Variants in L3HYPDH observed in about 807,000 individuals in gnomAD.
The protein encoded by L3HYPDH is trans-L-3-hydroxyproline dehydratase.
Under a neutral mutation model 26.5 loss-of-function variants are expected in L3HYPDH, and 32 were observed. The observed-to-expected ratio is 1.21, with a 90% confidence interval of 0.91 to 1.62. The LOEUF is 1.62. Ranked by LOEUF, L3HYPDH falls within the 40% of genes most tolerant of loss-of-function variation. The pLI is 0.00. For synonymous variants in L3HYPDH, 215 were observed against 196.6 expected (o/e 1.09, Z -0.78); for missense variants, 554 against 476.4 (o/e 1.16, Z -1.52).
the L3HYPDH span, chr14:59,504,892 G>A: frequency 6.1e-6 from 1 of 163,184 alleles, no homozygotes; most frequent in South Asian, 1.9e-4. Context: ...TGGCTTATTA[G>A]ATTTAATGAA....
chr14:59,495,051 A>T, the L3HYPDH span: 2 of 1,613,736 alleles, frequency 1.2e-6, no homozygotes, highest in Non-Finnish European at 8.5e-7. Flanking sequence ...TCACTGCATT[A>T]TTTGAATGCA....
upstream of L3HYPDH, among the ~76,000 whole-genome samples, chr14:59,488,170 T>C (rs919607243): frequency 6.6e-6 from 1 of 151,966 alleles, no homozygotes; most frequent in Non-Finnish European, 1.5e-5. Flanking sequence ...TTAATACTAA[T>C]AATCTAGTAT....
chr14:59,471,025 G>C (rs1229135220), downstream of L3HYPDH, among the ~76,000 whole-genome samples: 2 of 151,102 alleles, frequency 1.3e-5, no homozygotes, highest in East Asian at 3.9e-4. Context: ...GACCCTCACT[G>C]AGATGGGAAG....
chr14:59,484,338 G>T lies in L3HYPDH; in HGVS notation c.-22C>A, dbSNP rs1247946189. On this transcript the variant is annotated 5_prime_UTR_variant, in exon 1 of 5. Transcript: ENST00000247194. ...CCATGGTCTGCGTCGGGGGAGACGA[G>T]TACGGTCCCGCAGCTATGGCTTCAA... 1 of 1,563,994 alleles carries T rather than the reference G, an allele frequency of 6.4e-7. No homozygotes were observed. Among genetic ancestry groups the T allele is most frequent in the Non-Finnish European group, 8.6e-7 (1 of 1,161,010 alleles).
chr14:59,503,590 T>G, the L3HYPDH span, among the ~76,000 whole-genome samples: 1 of 152,258 alleles, frequency 6.6e-6, no homozygotes. Flanking sequence ...AATGATGGCA[T>G]AGACTAGGAC....
chr14:59,483,860 T>C lies in L3HYPDH; in HGVS notation c.457A>G (p.Ser153Gly). 1 of 1,585,372 alleles carries C rather than the reference T, an allele frequency of 6.3e-7. No individual in the cohort carries two copies. The highest frequency in any genetic ancestry group is 8.5e-7 in the Non-Finnish European group (1 of 1,173,004). ...CTGTGGAAGCGCACCGGTCCGTGGCTGCGGCCGTCCTCGCATGCCACGAAG... is the reference window on the plus strand; with the variant it reads ...CTGTGGAAGCGCACCGGTCCGTGGCCGCGGCCGTCCTCGCATGCCACGAAG... The part of the protein sequence containing the change: ...TAFVACEDGR[S>G]HGPVRFHSVP... Residue 153 changes from serine to glycine, a missense_variant, in exon 1 of 5, where the codon AGC (serine) becomes GGC (glycine). Transcript: ENST00000247194.
At chr14:59,486,337 A>T (rs1327444454), upstream of L3HYPDH, among the ~76,000 whole-genome samples, 2 of 152,346 alleles carry the variant, frequency 1.3e-5, no homozygotes, top group East Asian at 3.9e-4. Flanking sequence ...TGACTGGGCA[A>T]AATACAAGGT....
upstream of L3HYPDH, chr14:59,486,851 CT>C (rs749694111): frequency 1.6e-6 from 2 of 1,245,176 alleles, no homozygotes; most frequent in Non-Finnish European, 2.3e-6. Context: ...AATCTATTTG[CT>C]TTTGAAATAT....
chr14:59,468,906 A>G (rs776136237), downstream of L3HYPDH, among the ~76,000 whole-genome samples: 3 of 152,170 alleles, frequency 2.0e-5, no homozygotes, highest in Non-Finnish European at 4.4e-5. Context: ...GGTAGGTAGT[A>G]TATGGATTAG....
At chr14:59,494,360 C>A in the L3HYPDH span, among the ~76,000 whole-genome samples, 1 of 152,116 alleles carries the variant, frequency 6.6e-6, no homozygotes, top group South Asian at 2.1e-4. Context: ...ACAGTGGAAT[C>A]CTAACACAAT....
At chr14:59,469,772 T>C (rs1312600241), downstream of L3HYPDH, among the ~76,000 whole-genome samples, 2 of 151,982 alleles carry the variant, frequency 1.3e-5, no homozygotes, top group Non-Finnish European at 2.9e-5. Context: ...GGCCACAGTC[T>C]AGGGGGAAAA....
At chr14:59,487,773 A>G (rs35952578), upstream of L3HYPDH, 147 of 1,613,634 alleles carry the variant, frequency 9.1e-5, no homozygotes, top group South Asian at 2.7e-4. Flanking sequence ...ATTTATGGCA[A>G]TGCTTCCTCT....
chr14:59,484,700 G>A (rs1351272718), upstream of L3HYPDH: 3 of 1,374,518 alleles, frequency 2.2e-6, no homozygotes, highest in Non-Finnish European at 3.0e-6. Context: ...GGTTGGCGGC[G>A]CAGGCTCGCC....
chr14:59,504,606 T>C, the L3HYPDH span: 1 of 152,798 alleles, frequency 6.5e-6, no homozygotes, highest in Non-Finnish European at 1.5e-5. Context: ...CAAAAATAGA[T>C]AATAATTTAT....
upstream of L3HYPDH, chr14:59,487,612 G>T: frequency 8.3e-7 from 1 of 1,212,090 alleles, no homozygotes; most frequent in Non-Finnish European, 1.2e-6. Context: ...AGAATGATTT[G>T]GGGGGGTGTT....
chr14:59,479,428 A>AT (rs1491450477), intron 1 of L3HYPDH, 77 bp from the exon 2 acceptor site: 3 of 1,319,924 alleles, frequency 2.3e-6, no homozygotes, highest in Non-Finnish European at 3.2e-6. Flanking sequence ...AGGATTTTTA[A>AT]TATGTTTATT....
At chr14:59,504,315 C>T in the L3HYPDH span, 1 of 479,210 alleles carries the variant, frequency 2.1e-6, no homozygotes, top group Non-Finnish European at 3.7e-6. Context: ...GCTAGGAAGC[C>T]CTTGCTTCTC....
rs774310621 is a variant in L3HYPDH, at chr14:59,483,993, C to T, written c.324G>A (p.Val108=). Residue 108 remains valine (V), a synonymous_variant, in exon 1 of 5, where the codon GTG becomes GTA. Transcript: ENST00000247194. ...CCAAAGCGAAGCGGCCCAGCGCCAGCACTGCGTGGCCGCACATGGAGCTGT... is the reference window on the plus strand; with the variant it reads ...CCAAAGCGAAGCGGCCCAGCGCCAGTACTGCGTGGCCGCACATGGAGCTGT... ...EGYSSMCGHA[V]LALGRFALDF... 4 of 1,592,096 alleles carry T rather than the reference C, an allele frequency of 2.5e-6. No individual in the cohort carries two copies. The highest frequency in any genetic ancestry group is 3.4e-6 in the Non-Finnish European group (4 of 1,174,314).
Position 59,479,283 on chromosome 14 carries a change from C to A in L3HYPDH, c.577G>T (p.Ala193Ser). 6.2e-7 allele frequency: 1 copy of A among 1,613,698 alleles called. No homozygotes were observed. Among genetic ancestry groups the A allele is most frequent in the Non-Finnish European group, 8.5e-7 (1 of 1,179,870 alleles). ...CCTAACTTTTCAGCAGTAACAAATGCATAAAATGCACCGCCATATGCAATG... is the reference window on the plus strand; with the variant it reads ...CCTAACTTTTCAGCAGTAACAAATGAATAAAATGCACCGCCATATGCAATG... ...VDIAYGGAFY[A>S]FVTAEKLGLD... is the part of the protein sequence containing the mutation. The change falls in exon 2 of 5, where the codon GCA becomes TCA. Residue 193 changes from alanine (A) to serine (S), a missense_variant. Physicochemically the swap from Ala to Ser is moderately conservative, Grantham distance 99 (BLOSUM62 1). Transcript: ENST00000247194.
Sources: gnomAD v4.1 joint callset for allele counts (sites outside exome capture counted in the v4.1 genomes callset) on GRCh38, gnomAD v4.1.1 for gene constraint, MANE v1.5 for transcripts, NCBI Gene and HGNC (gene_info 2026-07-23, HGNC 2026-07-21) for gene names.